Variants in CSMD2 observed in about 807,000 individuals in gnomAD.
The protein encoded by CSMD2 is CUB and sushi domain-containing protein 2.
CSMD2 carries 130 observed loss-of-function variants against 398.5 expected under a neutral mutation model. The observed-to-expected ratio is 0.33, with a 90% CI of 0.28 to 0.38. The LOEUF (loss-of-function observed/expected upper bound fraction) is 0.38. Ranked by LOEUF, CSMD2 falls within the 10% of genes least tolerant of loss-of-function variation. The probability of loss-of-function intolerance (pLI) is 1.00; values close to 1 mark genes in which losing one functional copy is unlikely to be tolerated. For missense variants in CSMD2, 3,829 were observed against 4,764.9 expected (o/e 0.80, Z 5.78); for synonymous variants, 1,828 against 1,908.5 (o/e 0.96, Z 1.10).
In CSMD2 at chr1:34,024,642, A is replaced by G. The variant is rs576126791; in HGVS notation, c.517+7952T>C. Reference sequence around the variant, plus strand: ...AACTCCCAAGGCAGAGCCATCGGAAATGGAACAGGTTCACTCAGGAAGCAC... The same window carrying G: ...AACTCCCAAGGCAGAGCCATCGGAAGTGGAACAGGTTCACTCAGGAAGCAC... On this transcript the variant is annotated intron_variant, in intron 3 of 70. Coordinates refer to ENST00000373381, the MANE Select transcript of CSMD2 (RefSeq NM_001281956.2). Among the ~76,000 whole-genome samples, 15 of 152,336 alleles carry G rather than the reference A, an allele frequency of 9.8e-5. No individual in the cohort carries two copies. The South Asian group carries it at 3.1e-3, about 32-fold the overall frequency.
chr1:33,663,627 T>C (rs1644215718), intron 25 of CSMD2, among the ~76,000 whole-genome samples: 1 of 152,150 alleles, frequency 6.6e-6, no homozygotes, highest in African/African-American at 2.4e-5. Context: ...ATATTAGCTA[T>C]ATGTAGGCCT....
chr1:33,925,340 A>C (rs931871128), intron 4 of CSMD2, among the ~76,000 whole-genome samples: 1 of 152,164 alleles, frequency 6.6e-6, no homozygotes, highest in African/African-American at 2.4e-5. Flanking sequence ...GCCTTTGCTG[A>C]AAATCAGTTG....
Position 33,633,380 on chromosome 1 carries a change from C to G in CSMD2, c.5200+42G>C, listed in dbSNP as rs1193801321. ...CCTTCCTTTAGCCGGACGTGATGCC[C>G]CCGGCCCACAACCATCCCCACACTG... On this transcript the variant is annotated intron_variant, in intron 32 of 70. Transcript: ENST00000373381. This position sits in a 1 kb window ranked among gnomAD's most constrained non-coding sequence, Gnocchi z 5.0. 1 of 1,442,434 alleles carries G rather than the reference C, an allele frequency of 6.9e-7. No homozygotes were observed. The highest frequency in any genetic ancestry group is 9.5e-7 in the Non-Finnish European group (1 of 1,048,942). The allele number at this position is 1,442,434 out of a possible 1,614,324, so 89.4% of individuals were successfully genotyped here. A position where few individuals can be genotyped will look rare whatever the true frequency, so the allele number is the denominator to read the frequency against.
intron 5 of CSMD2, among the ~76,000 whole-genome samples, chr1:33,868,629 A>G (rs1004541568): frequency 4.6e-5 from 7 of 152,072 alleles, no homozygotes; most frequent in African/African-American, 1.7e-4. Context: ...TCAGCTACTC[A>G]GGAGGCTGAG....
intron 1 of CSMD2, among the ~76,000 whole-genome samples, chr1:34,132,597 A>G (rs1677746): frequency 0.37 from 55,984 of 152,174 alleles, 11,454 homozygotes; most frequent in East Asian, 0.68. Context: ...CATTGGAATC[A>G]GGAGACTAAA....
rs117423267 is a variant in CSMD2 at position 34,087,809 on chromosome 1, T to C, written c.404+1168A>G. On this transcript the variant is annotated intron_variant, in intron 2 of 70. Transcript: ENST00000373381. Reference sequence around the variant, plus strand: ...TTTCTCACTGCTATTCCCCAGCATCTAGGCCAGTGTCAAGACATAATAGGT... The same window carrying C: ...TTTCTCACTGCTATTCCCCAGCATCCAGGCCAGTGTCAAGACATAATAGGT... Among the ~76,000 whole-genome samples, 905 of 152,220 alleles carry C rather than the reference T, an allele frequency of 5.9e-3. 9 individuals carry two copies. The highest frequency in any genetic ancestry group is 0.053 in the East Asian group (273 of 5,168).
intron 2 of CSMD2, among the ~76,000 whole-genome samples, chr1:34,081,372 G>A (rs1657091539): frequency 6.6e-6 from 1 of 152,010 alleles, no homozygotes; most frequent in African/African-American, 2.4e-5. Flanking sequence ...CTGGTTCCAG[G>A]TCAATAAAAG....
chr1:33,860,151 T>C (rs1316055419), intron 5 of CSMD2, among the ~76,000 whole-genome samples: 2 of 152,190 alleles, frequency 1.3e-5, no homozygotes, highest in Admixed American at 1.3e-4. Context: ...TTTCCACCAG[T>C]GGCCCACTTT....
chr1:34,022,023 G>C (rs546830302), intron 3 of CSMD2, among the ~76,000 whole-genome samples: 1 of 152,134 alleles, frequency 6.6e-6, no homozygotes, highest in South Asian at 2.1e-4. Flanking sequence ...TACGACTGGG[G>C]GCATCTTAGA....
chr1:34,043,030 C>T (rs750999421), intron 2 of CSMD2, among the ~76,000 whole-genome samples: 4 of 152,108 alleles, frequency 2.6e-5, no homozygotes, highest in Non-Finnish European at 5.9e-5. Flanking sequence ...AACTCGTGAT[C>T]TGCCCGCCTT....
intron 3 of CSMD2, among the ~76,000 whole-genome samples, chr1:33,983,526 C>G (rs757906228): frequency 4.6e-5 from 7 of 152,000 alleles, no homozygotes; most frequent in Non-Finnish European, 8.8e-5. Flanking sequence ...ACTTCCTCTT[C>G]TTGGGGACAG....
At chr1:34,106,080 G>A (rs1285013235) in intron 1 of CSMD2, among the ~76,000 whole-genome samples, 1 of 152,148 alleles carries the variant, frequency 6.6e-6, no homozygotes, top group Non-Finnish European at 1.5e-5. Flanking sequence ...TTATAGGTGG[G>A]GGTGTTAATG....
chr1:34,120,695 C>T (rs1662090641), intron 1 of CSMD2, among the ~76,000 whole-genome samples: 1 of 152,144 alleles, frequency 6.6e-6, no homozygotes, highest in Non-Finnish European at 1.5e-5. Flanking sequence ...CAGGTGCCTG[C>T]CACCATGCCC....
intron 2 of CSMD2, among the ~76,000 whole-genome samples, chr1:34,042,076 C>T (rs1450285015): frequency 1.3e-5 from 2 of 152,232 alleles, no homozygotes; most frequent in African/African-American, 4.8e-5. Flanking sequence ...CATAATGAAA[C>T]TCTGATCTCA....
intron 3 of CSMD2, among the ~76,000 whole-genome samples, chr1:33,940,434 T>A (rs1644629415): frequency 6.6e-6 from 1 of 152,016 alleles, no homozygotes; most frequent in Non-Finnish European, 1.5e-5. Context: ...TTATAATACC[T>A]ACCCCTGAGT....
intron 13 of CSMD2, among the ~76,000 whole-genome samples, chr1:33,743,937 T>C (rs1242335734): frequency 2.0e-5 from 3 of 152,206 alleles, no homozygotes; most frequent in Non-Finnish European, 2.9e-5. Flanking sequence ...CAACTGTCTA[T>C]TTGTATAAAT....
chr1:34,165,511 T>C (rs1641809013), upstream of CSMD2, among the ~76,000 whole-genome samples: 2 of 152,150 alleles, frequency 1.3e-5, no homozygotes, highest in Non-Finnish European at 2.9e-5. Context: ...TGTTTTGCAA[T>C]TGACCAGTTT....
chr1:33,634,337 G>T (rs546241839), intron 31 of CSMD2, among the ~76,000 whole-genome samples: 2 of 152,318 alleles, frequency 1.3e-5, no homozygotes, highest in African/African-American at 4.8e-5. Flanking sequence ...AATGTTTGGC[G>T]AACGCCTCAA....
rs1647276241 is a variant in CSMD2 at position 33,745,523 on chromosome 1, G to C, written c.1847-1917C>G. Among the ~76,000 whole-genome samples the C allele has an allele frequency of 1.3e-5, 2 of 152,128 alleles. 1 individual carries two copies. The highest frequency in any genetic ancestry group is 4.1e-4 in the South Asian group (2 of 4,820). ...GATGAAAAATAATAAAATCATGTTT[G>C]CCAAAGGGGGGAAAACATTAAAACA... On this transcript the variant is annotated intron_variant, in intron 13 of 70. Coordinates refer to ENST00000373381, the MANE Select transcript of CSMD2 (RefSeq NM_001281956.2).
Sources: gnomAD v4.1 joint callset for allele counts (sites outside exome capture counted in the v4.1 genomes callset) on GRCh38, gnomAD v4.1.1 for gene constraint, Gnocchi (gnomAD v3.1) non-coding constraint, MANE v1.5 for transcripts, NCBI Gene and HGNC (gene_info 2026-07-23, HGNC 2026-07-21) for gene names.